ASIC2: variants seen among roughly 807,000 people sequenced by gnomAD.
The protein encoded by ASIC2 is acid sensing ion channel subunit 2.
Under a neutral mutation model 57.3 loss-of-function variants are expected in ASIC2, and 25 were observed. The observed-to-expected ratio is 0.44, with a 90% CI of 0.32 to 0.61. ASIC2 has a LOEUF of 0.61. Ranked by LOEUF, ASIC2 falls within the 20% of genes least tolerant of loss-of-function variation. The pLI is 0.06. For synonymous variants in ASIC2, 319 were observed against 307.5 expected, an observed-to-expected ratio of 1.04 and a Z score of -0.39; for missense variants, 641 against 738.1, an observed-to-expected ratio of 0.87 and a Z score of 1.52.
intron 1 of ASIC2, among the ~76,000 whole-genome samples, chr17:33,658,479 TC>T (rs1907146595): frequency 1.3e-5 from 2 of 152,190 alleles, no homozygotes. Context: ...CTCTTGGGGC[TC>T]CTCATACTGG....
chr17:33,109,118 T>C (rs1205446278), intron 2 of ASIC2, among the ~76,000 whole-genome samples: 2 of 151,882 alleles, frequency 1.3e-5, no homozygotes, highest in East Asian at 3.9e-4. Context: ...GGGTGAGGCA[T>C]AAAAGACTAC....
At chr17:34,032,437 G>C (rs1907658012) in intron 1 of ASIC2, among the ~76,000 whole-genome samples, 1 of 152,168 alleles carries the variant, frequency 6.6e-6, no homozygotes, top group Non-Finnish European at 1.5e-5. Context: ...ATCAAGGCTA[G>C]GAAGAAACTG....
intron 1 of ASIC2, among the ~76,000 whole-genome samples, chr17:33,814,405 G>C (rs1309493619): frequency 6.6e-6 from 1 of 152,194 alleles, no homozygotes; most frequent in Admixed American, 6.5e-5. Flanking sequence ...TGACACTTCC[G>C]ATTTGGGGTT....
chr17:33,267,802 T>C (rs1348446671), intron 1 of ASIC2, among the ~76,000 whole-genome samples: 4 of 151,636 alleles, frequency 2.6e-5, no homozygotes, highest in Non-Finnish European at 5.9e-5. Flanking sequence ...GTGGGGTGAG[T>C]AGCACATGAG....
At chr17:33,668,372 C>G (rs1478490540) in intron 1 of ASIC2, among the ~76,000 whole-genome samples, 1 of 141,302 alleles carries the variant, frequency 7.1e-6, no homozygotes, top group Non-Finnish European at 1.5e-5. Context: ...TCTGGAAGCT[C>G]TGGGGGAAAA....
At chr17:33,062,972 C>T (rs2092027035) in intron 3 of ASIC2, among the ~76,000 whole-genome samples, 1 of 152,160 alleles carries the variant, frequency 6.6e-6, no homozygotes, top group Non-Finnish European at 1.5e-5. Context: ...TTATCAGTGA[C>T]TAGGATTGCA....
At chr17:33,531,261 G>C (rs187618719) in intron 1 of ASIC2, among the ~76,000 whole-genome samples, 1 of 152,114 alleles carries the variant, frequency 6.6e-6, no homozygotes, top group Admixed American at 6.5e-5. Context: ...AAGAAGGAGT[G>C]TGCTTTGTTT....
chr17:34,036,131 A>C (rs188581197), intron 1 of ASIC2, among the ~76,000 whole-genome samples: 87 of 152,270 alleles, frequency 5.7e-4, no homozygotes, highest in East Asian at 3.3e-3. Context: ...CTAAATGTCC[A>C]ACAACGATAG....
Position 33,110,716 on chromosome 17 carries a change from A to C in ASIC2, c.859+1201T>G, listed in dbSNP as rs372711316. Among the ~76,000 whole-genome samples, 8 of 152,274 alleles carry C rather than the reference A, an allele frequency of 5.3e-5. No homozygotes were observed. The East Asian group carries it at 1.5e-3, about 29-fold the overall frequency. On this transcript the variant is annotated intron_variant, in intron 2 of 9. Transcript: ENST00000225823. The stretch of plus-strand genomic sequence containing the variant: ...GCCCTCGCTGTCTCAGCAGCCTGGT[A>C]AGCCTGGGTATGGTGAGTGCCAGAC...
chr17:33,587,873 C>G (rs1030175761), intron 1 of ASIC2, among the ~76,000 whole-genome samples: 1 of 152,200 alleles, frequency 6.6e-6, no homozygotes, highest in African/African-American at 2.4e-5. Flanking sequence ...ACCCTCTTCA[C>G]CATTTTCCTC....
At chr17:33,392,701 C>T (rs1324148330) in intron 1 of ASIC2, among the ~76,000 whole-genome samples, 1 of 152,164 alleles carries the variant, frequency 6.6e-6, no homozygotes, top group Non-Finnish European at 1.5e-5. Context: ...GCCTCACTGG[C>T]TAGGTCTTGC....
At chr17:33,233,544 ACAC>A (rs1466876749) in intron 1 of ASIC2, among the ~76,000 whole-genome samples, 2 of 150,936 alleles carry the variant, frequency 1.3e-5, no homozygotes, top group Admixed American at 1.3e-4. Flanking sequence ...ACACACACAC[ACAC>A]ACACACACAC....
chr17:33,285,418 C>T lies in ASIC2; in HGVS notation c.708+5990G>A, dbSNP rs111336195. ...CCCCTTAATTACTGTTTCAGCTCTG[C>T]AAAGAAAAGAAATGGTTGGCTGAAA... On this transcript the variant is annotated intron_variant, in intron 1 of 9. Coordinates refer to ENST00000225823, the MANE Select transcript of ASIC2 (RefSeq NM_183377.2). Among the ~76,000 whole-genome samples the T allele has an allele frequency of 2.4e-3, 366 of 152,296 alleles. 1 individual carries two copies. Among genetic ancestry groups the T allele is most frequent in the Non-Finnish European group, 3.2e-3 (218 of 68,024 alleles).
At chr17:33,030,753 T>C (rs1225992838) in intron 3 of ASIC2, among the ~76,000 whole-genome samples, 2 of 152,190 alleles carry the variant, frequency 1.3e-5, no homozygotes, top group Non-Finnish European at 2.9e-5. Context: ...TACTTTCTAC[T>C]TCTATTGAGA....
intron 1 of ASIC2, among the ~76,000 whole-genome samples, chr17:33,706,229 ATG>A (rs1555553394): frequency 4.9e-5 from 6 of 121,886 alleles, no homozygotes; most frequent in Non-Finnish European, 1.0e-4. Flanking sequence ...ATATATATAT[ATG>A]TATATTTTTG....
At chr17:33,056,398 C>G (rs1247588041) in intron 3 of ASIC2, among the ~76,000 whole-genome samples, 1 of 152,186 alleles carries the variant, frequency 6.6e-6, no homozygotes, top group Admixed American at 6.5e-5. Context: ...GTTTGCTTGA[C>G]CATAACCCCT....
At chr17:33,894,357 G>T (rs1207069442) in intron 1 of ASIC2, among the ~76,000 whole-genome samples, 3 of 51,176 alleles carry the variant, frequency 5.9e-5, no homozygotes, top group African/African-American at 9.6e-5. Flanking sequence ...GTGCGTGTGT[G>T]TGTGTGTGTG....
At chr17:33,209,442 T>C in intron 1 of ASIC2, among the ~76,000 whole-genome samples, 1 of 152,244 alleles carries the variant, frequency 6.6e-6, no homozygotes, top group East Asian at 1.9e-4. Flanking sequence ...CTCAGCACTA[T>C]TGACATTTAT....
At chr17:34,001,011 C>T (rs1906321457) in intron 1 of ASIC2, 1 of 152,082 alleles carries the variant, frequency 6.6e-6, no homozygotes, top group African/African-American at 2.4e-5. Context: ...TCTGTATTCT[C>T]TTATACTTCA....
Sources: allele counts gnomAD v4.1 joint callset (sites outside exome capture counted in the v4.1 genomes callset), GRCh38; gene constraint gnomAD v4.1.1; transcripts MANE v1.5; gene names NCBI Gene and HGNC (gene_info 2026-07-23, HGNC 2026-07-21).